Variants in PRUNE2 observed in about 807,000 individuals in gnomAD.
PRUNE2 encodes the protein prune homolog 2 with BCH domain.
In PRUNE2, 164 loss-of-function variants were observed where a neutral mutation model predicts 252.0. That is an observed-to-expected ratio of 0.65 (90% CI 0.57 to 0.74). PRUNE2 has a LOEUF of 0.74. PRUNE2 is among the 30% of genes least tolerant of loss of function. The probability of loss-of-function intolerance (pLI) is 0.00; values close to 1 mark genes in which losing one functional copy is unlikely to be tolerated. For synonymous variants in PRUNE2, 1,292 were observed against 1,350.2 expected, an observed-to-expected ratio of 0.96 and a Z score of 0.94; for missense variants, 3,495 against 3,711.0, an observed-to-expected ratio of 0.94 and a Z score of 1.51.
intron 9 of PRUNE2, among the ~76,000 whole-genome samples, chr9:76,698,970 G>C (rs1489175797): frequency 6.6e-6 from 1 of 152,140 alleles, no homozygotes; most frequent in Non-Finnish European, 1.5e-5. Flanking sequence ...ATGAGGGTCA[G>C]GTGATGTCTC....
In PRUNE2 at chr9:76,706,887, C is replaced by T; in HGVS notation, c.5387G>A (p.Gly1796Glu). The change falls in exon 8 of 19, where the codon GGA becomes GAA. Residue 1796 changes from glycine to glutamate, a missense_variant. Physicochemically the swap from Gly to Glu is moderately conservative, Grantham distance 98. Transcript: ENST00000376718. ...GGGAGATATTTGCCATGCAACATCT[C>T]CTGTTGTCCCTGTTTCTGGAGAAGA... is the stretch of plus-strand genomic sequence containing the variant. ...KRSSPETGTT[G>E]DVAWQISPKA... The T allele has an allele frequency of 6.3e-7, 1 of 1,597,664 alleles. No individual in the cohort carries two copies. The highest frequency in any genetic ancestry group is 8.5e-7 in the Non-Finnish European group (1 of 1,172,078).
At chr9:76,777,042 C>T (rs954533048) in intron 6 of PRUNE2, among the ~76,000 whole-genome samples, 4 of 151,988 alleles carry the variant, frequency 2.6e-5, no homozygotes, top group Admixed American at 6.6e-5. Context: ...TGCACCAATG[C>T]CATCAGGGTA....
intron 6 of PRUNE2, among the ~76,000 whole-genome samples, chr9:76,801,454 G>T (rs1028091364): frequency 6.6e-6 from 1 of 152,006 alleles, no homozygotes; most frequent in East Asian, 1.9e-4. Context: ...TTTTAAAAAT[G>T]ATTTCTTTAA....
At chr9:76,686,670 TG>T (rs2044130883) in intron 9 of PRUNE2, among the ~76,000 whole-genome samples, 1 of 152,154 alleles carries the variant, frequency 6.6e-6, no homozygotes, top group East Asian at 1.9e-4. Context: ...TTGTCCAGGC[TG>T]GTCTGGAACT....
At chr9:76,902,855 A>G (rs1171805270) in intron 1 of PRUNE2, among the ~76,000 whole-genome samples, 2 of 152,202 alleles carry the variant, frequency 1.3e-5, no homozygotes, top group African/African-American at 4.8e-5. Context: ...TCTGATAAAT[A>G]CTGAGTATTC....
In PRUNE2 at chr9:76,872,006, G is replaced by A. The variant is rs113505472; in HGVS notation, c.37-17798C>T. On this transcript the variant is annotated intron_variant, in intron 1 of 18. Coordinates refer to ENST00000376718, the MANE Select transcript of PRUNE2 (RefSeq NM_015225.3). ...ATGAAAATAGTCAACATTTATACAG[G>A]TGACCACAAACACCTGCATACATAG... Among the ~76,000 whole-genome samples the A allele has an allele frequency of 6.5e-3, 982 of 152,182 alleles. 10 individuals are homozygous for A. The highest frequency in any genetic ancestry group is 0.022 in the African/African-American group (930 of 41,498).
intron 9 of PRUNE2, among the ~76,000 whole-genome samples, chr9:76,698,186 A>G (rs1460842033): frequency 6.6e-6 from 1 of 151,842 alleles, no homozygotes; most frequent in Non-Finnish European, 1.5e-5. Flanking sequence ...AGCTGGGATT[A>G]CAGGCGTGTG....
chr9:76,715,583 C>T (rs1459055386), intron 6 of PRUNE2, among the ~76,000 whole-genome samples: 7 of 152,216 alleles, frequency 4.6e-5, no homozygotes, highest in African/African-American at 7.2e-5. Flanking sequence ...TCATATAAGT[C>T]ATATGCGTTT....
intron 5 of PRUNE2, 140 bp downstream of exon 5, chr9:76,826,440 T>G: frequency 1.6e-6 from 1 of 625,552 alleles, no homozygotes; most frequent in Non-Finnish European, 2.6e-6. Flanking sequence ...GTTACTGCAC[T>G]CCAGCCTGGG....
Position 76,665,524 on chromosome 9 carries a change from G to A in PRUNE2, c.8277-10022C>T, listed in dbSNP as rs187168955. On this transcript the variant is annotated intron_variant, in intron 9 of 18. Transcript: ENST00000376718. Reference sequence around the variant, plus strand: ...GTTCCTATGATTTCCTGTTTGAAATGTGTCTGCCCCCACTCCTCCCCACTG... The same window carrying A: ...GTTCCTATGATTTCCTGTTTGAAATATGTCTGCCCCCACTCCTCCCCACTG... 4.7e-4 allele frequency among the ~76,000 whole-genome samples: 71 copies of A among 152,204 alleles called. 1 individual carries two copies. The highest frequency in any genetic ancestry group is 1.6e-3 in the African/African-American group (67 of 41,518).
chr9:76,707,759 T>C lies in PRUNE2; in HGVS notation c.4515A>G (p.Thr1505=). ...CAAGATTTTTGGTTATCTCAGAACA[T>C]GTGCTGCTGACATGCACATCACTGT... ...PIDSDVHVSS[T]CSEITKNLDV... The change falls in exon 8 of 19, where the codon ACA becomes ACG. Residue 1505 remains threonine (T), a synonymous_variant. Coordinates refer to ENST00000376718, the MANE Select transcript of PRUNE2 (RefSeq NM_015225.3). 6.2e-7 allele frequency: 1 copy of C among 1,613,660 alleles called. No individual in the cohort carries two copies. The highest frequency in any genetic ancestry group is 8.5e-7 in the Non-Finnish European group (1 of 1,179,708).
In PRUNE2 at chr9:76,621,417, T is replaced by G. The variant is rs182382765; in HGVS notation, c.9189-2030A>C. Among the ~76,000 whole-genome samples, 307 of 152,202 alleles carry G rather than the reference T, an allele frequency of 2.0e-3. 2 individuals carry two copies. Among genetic ancestry groups the G allele is most frequent in the Non-Finnish European group, 1.7e-3 (117 of 68,000 alleles). ...ACCTGTGGGGTCAACAGAGTAGAAT[T>G]TTTTCTCTGTACACATTTTCAAATG... On this transcript the variant is annotated intron_variant, in intron 17 of 18. Transcript: ENST00000376718.
chr9:76,865,806 T>TACACAC (rs34661457), intron 1 of PRUNE2, among the ~76,000 whole-genome samples: 2,085 of 127,182 alleles, frequency 0.016, 31 homozygotes, highest in Middle Eastern at 0.045. Flanking sequence ...TCTCTCTCCC[T>TACACAC]ACACACACAC....
rs757254783 is a variant in PRUNE2, at chr9:76,708,721, C to T, written c.3553G>A (p.Val1185Ile). 1.2e-6 allele frequency: 2 copies of T among 1,613,960 alleles called. No homozygotes were observed. Among genetic ancestry groups the T allele is most frequent in the South Asian group, 1.1e-5 (1 of 91,078 alleles). The change falls in exon 8 of 19, where the codon GTA becomes ATA. Residue 1185 changes from valine to isoleucine, a missense_variant. By Grantham distance (29) the Val-to-Ile change is conservative. Coordinates refer to ENST00000376718, the MANE Select transcript of PRUNE2 (RefSeq NM_015225.3). ...TCAGAGGCAGGGAGCTCCCAATCTA[C>T]CTGATTTGCTTCCTGATACTCCAAG... ...WGLEYQEANQVDWELPASDEH... is the reference protein window; with the variant it reads ...WGLEYQEANQIDWELPASDEH...
At chr9:76,751,115 G>A (rs2050572574) in intron 6 of PRUNE2, among the ~76,000 whole-genome samples, 1 of 152,192 alleles carries the variant, frequency 6.6e-6, no homozygotes, top group Non-Finnish European at 1.5e-5. Flanking sequence ...CGCACAAGAA[G>A]TTGAACTTCC....
chr9:76,703,593 G>T lies in PRUNE2; in HGVS notation c.8020C>A (p.Leu2674Met). The stretch of plus-strand genomic sequence containing the variant: ...GGCTTCATTTCTTCCAGAATCTGCA[G>T]CTGGGGACCCTCACCCAAGCCGAGT... ...SELGLGEGPQ[L>M]QILEEMKPLE... The change falls in exon 9 of 19, where the codon CTG becomes ATG. Residue 2674 changes from leucine to methionine, a missense_variant. By Grantham distance (15) the Leu-to-Met change is conservative. Coordinates refer to ENST00000376718, the MANE Select transcript of PRUNE2 (RefSeq NM_015225.3). 6.2e-7 allele frequency: 1 copy of T among 1,613,424 alleles called. No homozygotes were observed.
At chr9:76,735,942 C>T (rs950361059) in intron 6 of PRUNE2, among the ~76,000 whole-genome samples, 2 of 152,144 alleles carry the variant, frequency 1.3e-5, no homozygotes, top group African/African-American at 2.4e-5. Context: ...CATTTACATG[C>T]GTCATTTGTT....
At chr9:76,847,407 C>A (rs2059726668) in intron 3 of PRUNE2, among the ~76,000 whole-genome samples, 2 of 151,134 alleles carry the variant, frequency 1.3e-5, no homozygotes, top group Non-Finnish European at 1.5e-5. Flanking sequence ...AGAAAAATCC[C>A]CATTGTATAA....
intron 16 of PRUNE2, among the ~76,000 whole-genome samples, chr9:76,627,487 G>A (rs1226575249): frequency 3.9e-5 from 6 of 152,140 alleles, no homozygotes; most frequent in Admixed American, 2.6e-4. Context: ...GCAGCCCAGA[G>A]CTATGAGGTA....
Sources: gnomAD v4.1 joint callset for allele counts (sites outside exome capture counted in the v4.1 genomes callset) on GRCh38, gnomAD v4.1.1 for gene constraint, MANE v1.5 for transcripts, NCBI Gene and HGNC (gene_info 2026-07-23, HGNC 2026-07-21) for gene names.